Variants in GCSAML observed in about 807,000 individuals in gnomAD.
GCSAML encodes the protein germinal center-associated signaling and motility-like protein.
Under a neutral mutation model 13.0 loss-of-function variants are expected in GCSAML, and 9 were observed. The ratio of observed to expected loss-of-function variants is 0.69; its 90% confidence interval spans 0.42 to 1.21. The LOEUF (loss-of-function observed/expected upper bound fraction) is 1.21. Among genes scored for constraint, GCSAML ranks in the 50% most tolerant of loss-of-function variants. The pLI is 0.00. For missense variants in GCSAML, 143 were observed against 153.4 expected (o/e 0.93, Z 0.36); for synonymous variants, 37 against 52.9 (o/e 0.70, Z 1.31).
intron 1 of GCSAML, among the ~76,000 whole-genome samples, chr1:247,513,740 T>A (rs923568217): frequency 2.6e-5 from 4 of 152,188 alleles, no homozygotes; most frequent in African/African-American, 7.2e-5. Flanking sequence ...CAGTCTCTTG[T>A]GGCTTCCCTT....
intron 1 of GCSAML, among the ~76,000 whole-genome samples, chr1:247,520,446 C>T (rs1274599769): frequency 6.6e-6 from 1 of 152,096 alleles, no homozygotes; most frequent in South Asian, 2.1e-4. Context: ...CTCAGAGTCT[C>T]CAGCCTACCC....
chr1:247,569,719 A>C (rs568154328), intron 4 of GCSAML, among the ~76,000 whole-genome samples: 1 of 152,210 alleles, frequency 6.6e-6, no homozygotes. Context: ...TGCTGGCCTC[A>C]TAAAATGAGT....
chr1:247,509,191 GT>G (rs1665927542), intron 1 of GCSAML, among the ~76,000 whole-genome samples: 1 of 152,252 alleles, frequency 6.6e-6, no homozygotes, highest in Admixed American at 6.5e-5. Context: ...CTGAGCAGTG[GT>G]TTGTAGTTCT....
At chr1:247,557,582 C>T (rs1164171465) in intron 2 of GCSAML, among the ~76,000 whole-genome samples, 1 of 152,084 alleles carries the variant, frequency 6.6e-6, no homozygotes, top group Non-Finnish European at 1.5e-5. Context: ...AGGAGATGAG[C>T]CAGGTATCTG....
chr1:247,524,790 T>C (rs1666610545), intron 1 of GCSAML: 1 of 152,108 alleles, frequency 6.6e-6, no homozygotes, highest in African/African-American at 2.4e-5. Context: ...AGAAAAACGA[T>C]TCAACACTTA....
chr1:247,527,255 T>A lies in GCSAML; in HGVS notation c.-148+201T>A. On this transcript the variant is annotated intron_variant, in intron 2 of 5. Coordinates refer to the GCSAML transcript ENST00000366489. This position sits in a 1 kb window ranked among gnomAD's most constrained non-coding sequence, Gnocchi z 4.6. ...GATGGATGGTCAGGGCAAAGCACAG[T>A]GCTGTCCTCATGGTTCTGGGAGGGT... The A allele has an allele frequency of 2.8e-6, 1 of 362,896 alleles. No homozygotes were observed. Among genetic ancestry groups the A allele is most frequent in the East Asian group, 7.4e-5 (1 of 13,550 alleles). 22.5% of individuals were successfully genotyped at this position (362,896 alleles called of 1,614,324 possible). A position where few individuals can be genotyped will look rare whatever the true frequency, so the allele number is the denominator to read the frequency against.
At chr1:247,514,073 C>G (rs553528651) in intron 1 of GCSAML, among the ~76,000 whole-genome samples, 8 of 152,206 alleles carry the variant, frequency 5.3e-5, no homozygotes, top group African/African-American at 1.9e-4. Flanking sequence ...TTCCACCTCC[C>G]AGGTTCAAGC....
intron 1 of GCSAML, among the ~76,000 whole-genome samples, chr1:247,523,443 G>C (rs1234596702): frequency 6.6e-6 from 1 of 152,202 alleles, no homozygotes; most frequent in Non-Finnish European, 1.5e-5. Context: ...AAGACAACAG[G>C]GTTCAGAGAG....
upstream of GCSAML, among the ~76,000 whole-genome samples, chr1:247,546,021 T>G (rs938535680): frequency 1.3e-5 from 2 of 152,172 alleles, no homozygotes; most frequent in Non-Finnish European, 2.9e-5. Flanking sequence ...CTTTATTACC[T>G]TGACTGTGGT....
At chr1:247,566,098 G>T (rs12141536) in intron 4 of GCSAML, 139 bp downstream of exon 4, 103,745 of 587,814 alleles carry the variant, frequency 0.18, 10,630 homozygotes, top group Middle Eastern at 0.24. Context: ...TGTACTTTTA[G>T]AAATCATTCA....
At chr1:247,546,866 G>T (rs191262221), upstream of GCSAML, among the ~76,000 whole-genome samples, 557 of 151,522 alleles carry the variant, frequency 3.7e-3, no homozygotes, top group Non-Finnish European at 6.6e-3. Context: ...AAGGCAGGAG[G>T]ATCGCTTCAA....
intron 4 of GCSAML, among the ~76,000 whole-genome samples, chr1:247,567,658 A>C (rs994307098): frequency 1.3e-5 from 2 of 152,226 alleles, no homozygotes; most frequent in African/African-American, 2.4e-5. Context: ...GTGTCTTTAT[A>C]GTAGAACGAT....
chr1:247,527,944 TGA>T lies in GCSAML; in HGVS notation c.-148+893_-148+894del, dbSNP rs1303529826. 3.9e-5 allele frequency: 6 copies of T among 152,096 alleles called. No individual in the cohort carries two copies. The highest frequency in any genetic ancestry group is 1.4e-4 in the African/African-American group (6 of 41,404). 9.4% of individuals were successfully genotyped at this position (152,096 alleles called of 1,614,324 possible). A position where few individuals can be genotyped will look rare whatever the true frequency, so the allele number is the denominator to read the frequency against. ...GTATCCTCTGTTCTACTTATTTCTATGAGATCAACCCTTTTTTAGCTTTCACA... is the reference window on the plus strand; with the variant it reads ...GTATCCTCTGTTCTACTTATTTCTATGATCAACCCTTTTTTAGCTTTCACA... On this transcript the variant is annotated intron_variant, in intron 2 of 5. Coordinates refer to the GCSAML transcript ENST00000366489. This position sits in a 1 kb window ranked among gnomAD's most constrained non-coding sequence, Gnocchi z 4.6.
intron 1 of GCSAML, among the ~76,000 whole-genome samples, chr1:247,521,122 T>C (rs867347094): frequency 0.022 from 3,299 of 152,014 alleles, 50 homozygotes; most frequent in Non-Finnish European, 0.03. Flanking sequence ...CATTTTTTTT[T>C]TTTTTTTTTG....
intron 1 of GCSAML, among the ~76,000 whole-genome samples, chr1:247,517,901 C>T (rs1177940185): frequency 6.6e-6 from 1 of 152,172 alleles, no homozygotes; most frequent in South Asian, 2.1e-4. Flanking sequence ...TGACGCCATT[C>T]TGCTGGGGTT....
chr1:247,507,681 C>A, intron 1 of GCSAML, among the ~76,000 whole-genome samples: 1 of 152,070 alleles, frequency 6.6e-6, no homozygotes, highest in Non-Finnish European at 1.5e-5. Flanking sequence ...TAGCCCCCTA[C>A]TCCCTGAAGG....
At chr1:247,540,122 A>C (rs1667360804) in intron 2 of GCSAML, among the ~76,000 whole-genome samples, 1 of 152,184 alleles carries the variant, frequency 6.6e-6, no homozygotes. Context: ...CCTGGGCTGA[A>C]GTGCAGTGGC....
intron 4 of GCSAML, 142 bp downstream of exon 4, chr1:247,566,101 ATCAT>A: frequency 3.4e-6 from 2 of 583,604 alleles, no homozygotes; most frequent in East Asian, 6.6e-5. Context: ...ACTTTTAGAA[ATCAT>A]TCATATTTTA....
At chr1:247,567,207 T>C (rs1668416579) in intron 4 of GCSAML, among the ~76,000 whole-genome samples, 1 of 151,954 alleles carries the variant, frequency 6.6e-6, no homozygotes. Context: ...ATGTGCTGAA[T>C]GGGCAGGTCT....
Sources: allele counts gnomAD v4.1 joint callset (sites outside exome capture counted in the v4.1 genomes callset), GRCh38; gene constraint gnomAD v4.1.1; non-coding constraint Gnocchi (gnomAD v3.1); transcripts MANE v1.5; gene names NCBI Gene and HGNC (gene_info 2026-07-23, HGNC 2026-07-21).